Variants in MYT1L observed in about 807,000 individuals in gnomAD.
MYT1L encodes myelin transcription factor 1 like.
In MYT1L, 12 loss-of-function variants were observed where a neutral mutation model predicts 126.7. The ratio of observed to expected loss-of-function variants is 0.09; its 90% CI spans 0.06 to 0.15. The LOEUF (loss-of-function observed/expected upper bound fraction) is 0.15. Among genes scored for constraint, MYT1L ranks in the 10% least tolerant of loss-of-function variants. MYT1L has a pLI of 1.00. For synonymous variants in MYT1L, 541 were observed against 604.2 expected (o/e 0.90, Z 1.53); for missense variants, 979 against 1,585.2 (o/e 0.62, Z 6.49).
At chr2:2,322,222 G>C (rs937952983) in intron 1 of MYT1L, among the ~76,000 whole-genome samples, 1 of 150,770 alleles carries the variant, frequency 6.6e-6, no homozygotes, top group South Asian at 2.1e-4. Flanking sequence ...CTATGGCTTC[G>C]GTGAGCAGAG....
chr2:1,857,414 C>T (rs62114695), intron 18 of MYT1L, among the ~76,000 whole-genome samples: 6,801 of 152,236 alleles, frequency 0.045, 195 homozygotes, highest in South Asian at 0.1. Flanking sequence ...AAAGGCTCCC[C>T]GGATTTTGAG....
intron 4 of MYT1L, among the ~76,000 whole-genome samples, chr2:2,029,408 G>T (rs1005022900): frequency 6.6e-6 from 1 of 152,190 alleles, no homozygotes; most frequent in African/African-American, 2.4e-5. Context: ...GTCTTACATG[G>T]CGGCAGGCAA....
At chr2:2,180,790 CTG>C (rs202128610) in intron 2 of MYT1L, among the ~76,000 whole-genome samples, 3,850 of 144,878 alleles carry the variant, frequency 0.027, 72 homozygotes, top group Non-Finnish European at 0.034. Flanking sequence ...CTGTGTGTGC[CTG>C]TGTGTGCACC....
chr2:1,842,933 T>C (rs930307661), intron 19 of MYT1L: 1 of 168,892 alleles, frequency 5.9e-6, no homozygotes, highest in Non-Finnish European at 1.2e-5. Flanking sequence ...TTCCAGGCGC[T>C]TCCGCTTCCA....
chr2:1,880,842 C>T (rs1403353064), intron 18 of MYT1L, among the ~76,000 whole-genome samples: 3 of 152,228 alleles, frequency 2.0e-5, no homozygotes, highest in African/African-American at 4.8e-5. Context: ...CTCTTGCCTC[C>T]TTGTATTACC....
chr2:1,836,044 G>T (rs907856762), intron 21 of MYT1L, among the ~76,000 whole-genome samples: 2 of 152,146 alleles, frequency 1.3e-5, no homozygotes, highest in African/African-American at 4.8e-5. Context: ...GATCCTGAAA[G>T]AGGAGGCTGC....
intron 18 of MYT1L, among the ~76,000 whole-genome samples, chr2:1,882,655 CG>C (rs147202224): frequency 2.6e-5 from 4 of 152,232 alleles, no homozygotes; most frequent in Non-Finnish European, 4.4e-5. Flanking sequence ...AAAAGATTAC[CG>C]AAATGAGGAT....
At chr2:2,219,802 GTC>G (rs921490782) in intron 2 of MYT1L, among the ~76,000 whole-genome samples, 2 of 152,166 alleles carry the variant, frequency 1.3e-5, no homozygotes, top group African/African-American at 2.4e-5. Flanking sequence ...AAATGACCCT[GTC>G]TCCTTTTTTC....
chr2:1,954,711 C>A (rs2058187576), intron 8 of MYT1L, among the ~76,000 whole-genome samples: 3 of 152,022 alleles, frequency 2.0e-5, no homozygotes, highest in Admixed American at 6.6e-5. Context: ...AGCAGTACTA[C>A]CACCTTGAAT....
At chr2:2,245,150 T>C (rs2094509481) in intron 2 of MYT1L, among the ~76,000 whole-genome samples, 1 of 152,180 alleles carries the variant, frequency 6.6e-6, no homozygotes, top group African/African-American at 2.4e-5. Context: ...AAGAGTGATT[T>C]GTTAAAATAG....
chr2:1,894,058 C>T (rs1441313436), intron 14 of MYT1L, among the ~76,000 whole-genome samples: 1 of 152,260 alleles, frequency 6.6e-6, no homozygotes, highest in African/African-American at 2.4e-5. Flanking sequence ...CTCAAATCCG[C>T]ACCCACAAAA....
At chr2:1,982,091 T>A (rs1460057262) in intron 5 of MYT1L, among the ~76,000 whole-genome samples, 1 of 152,170 alleles carries the variant, frequency 6.6e-6, no homozygotes, top group African/African-American at 2.4e-5. Flanking sequence ...GCTCTGAAAT[T>A]GCTATTCAAC....
chr2:1,959,532 C>T (rs2058786112), intron 8 of MYT1L, among the ~76,000 whole-genome samples: 1 of 152,224 alleles, frequency 6.6e-6, no homozygotes, highest in South Asian at 2.1e-4. Context: ...TCCGTGCCTT[C>T]ATGCAAGGTC....
intron 4 of MYT1L, among the ~76,000 whole-genome samples, chr2:2,007,412 G>A (rs2063438008): frequency 6.6e-6 from 1 of 152,070 alleles, no homozygotes; most frequent in South Asian, 2.1e-4. Flanking sequence ...TTTTGCCAAG[G>A]TTAAGGAAAA....
At chr2:2,243,903 T>C (rs757811465) in intron 2 of MYT1L, among the ~76,000 whole-genome samples, 2 of 152,186 alleles carry the variant, frequency 1.3e-5, no homozygotes, top group Admixed American at 6.5e-5. Context: ...TTCACCCTAA[T>C]TGGCAACCTT....
chr2:1,821,369 T>A (rs1313329296), intron 21 of MYT1L, among the ~76,000 whole-genome samples: 1 of 152,198 alleles, frequency 6.6e-6, no homozygotes, highest in Non-Finnish European at 1.5e-5. Flanking sequence ...TTATGGGACA[T>A]TACCTCAATT....
intron 1 of MYT1L, among the ~76,000 whole-genome samples, chr2:2,295,609 C>CAG (rs1179841558): frequency 5.4e-3 from 43 of 7,956 alleles, no homozygotes; most frequent in Non-Finnish European, 6.0e-3. Context: ...GAGAGACAGA[C>CAG]AGAGAGAGAG....
intron 1 of MYT1L, among the ~76,000 whole-genome samples, chr2:2,298,421 A>G (rs1032233052): frequency 1.3e-5 from 2 of 152,230 alleles, no homozygotes; most frequent in Admixed American, 6.5e-5. Flanking sequence ...ATATTCCAGC[A>G]GGAGGAATGT....
At chr2:2,213,760 T>C (rs968073187) in intron 2 of MYT1L, among the ~76,000 whole-genome samples, 6 of 152,172 alleles carry the variant, frequency 3.9e-5, no homozygotes, top group African/African-American at 1.4e-4. Context: ...AAAATATTTC[T>C]AGAAATGCAA....
Sources: gnomAD v4.1 joint callset for allele counts (sites outside exome capture counted in the v4.1 genomes callset) on GRCh38, gnomAD v4.1.1 for gene constraint, MANE v1.5 for transcripts, NCBI Gene and HGNC (gene_info 2026-07-23, HGNC 2026-07-21) for gene names.